The following RYR2 variants were observed in gnomAD, a reference collection of about 807,000 sequenced individuals.
RYR2 encodes ryanodine receptor 2, also known as cardiac muscle ryanodine receptor-calcium release channel.
A neutral mutation model predicts 601.1 loss-of-function variants in RYR2; 227 were observed. That is an observed-to-expected ratio of 0.38 (90% CI 0.34 to 0.42). RYR2 has a LOEUF of 0.42. RYR2 is among the 10% of genes least tolerant of loss of function. RYR2 has a pLI of 1.00. For missense variants in RYR2, 4,646 were observed against 6,156.5 expected (o/e 0.75, Z 8.21); for synonymous variants, 2,223 against 2,175.1 (o/e 1.02, Z -0.61).
chr1:237,065,106 T>C (rs1165767817), intron 1 of RYR2, among the ~76,000 whole-genome samples: 3 of 152,114 alleles, frequency 2.0e-5, no homozygotes, highest in Non-Finnish European at 4.4e-5. Context: ...TTCTCATTGG[T>C]TATATTTTAC....
At chr1:237,373,737 A>T (rs1011791553) in intron 6 of RYR2, among the ~76,000 whole-genome samples, 2 of 152,182 alleles carry the variant, frequency 1.3e-5, no homozygotes, top group Admixed American at 6.6e-5. Context: ...TGCAAGAGTG[A>T]TTACTCCTGT....
chr1:237,805,132 A>G (rs952872080), intron 98 of RYR2, among the ~76,000 whole-genome samples: 15 of 152,224 alleles, frequency 9.9e-5, no homozygotes, highest in Admixed American at 5.9e-4. Flanking sequence ...GTAGGAAGTC[A>G]ATAAATGTTT....
Position 237,783,940 on chromosome 1 carries a change from A to T in RYR2, c.12228A>T (p.Glu4076Asp). The change falls in exon 90 of 105, where the codon GAA (glutamate) becomes GAT (aspartate). Residue 4076 changes from glutamate (E) to aspartate (D), a missense_variant. Around this residue, in one of 17 missense-constraint regions of RYR2, gnomAD observed 66 missense variants for 80.7 expected, o/e 0.82. Transcript: ENST00000366574. ...CTTGTGCGGAGACGGATGAGAATGA[A>T]ACCCTCGACTACGAAGAGTTCGTCA... is the stretch of plus-strand genomic sequence containing the variant. ...LLSCAETDEN[E>D]TLDYEEFVKR... The T allele has an allele frequency of 6.2e-7, 1 of 1,613,590 alleles. No individual in the cohort carries two copies. Among genetic ancestry groups the T allele is most frequent in the Non-Finnish European group, 8.5e-7 (1 of 1,179,704 alleles).
At chr1:237,515,403 T>C (rs1170222196) in intron 24 of RYR2, among the ~76,000 whole-genome samples, 1 of 152,222 alleles carries the variant, frequency 6.6e-6, no homozygotes, top group East Asian at 1.9e-4. Flanking sequence ...TTTTTCCTCC[T>C]AGCCAAGTAT....
intron 2 of RYR2, among the ~76,000 whole-genome samples, chr1:237,322,226 G>A (rs1311950247): frequency 6.6e-6 from 1 of 152,112 alleles, no homozygotes; most frequent in East Asian, 1.9e-4. Context: ...ATGCCTGAAC[G>A]AATCTGCACT....
At chr1:237,547,316 T>C (rs1238627345) in intron 25 of RYR2, among the ~76,000 whole-genome samples, 2 of 152,170 alleles carry the variant, frequency 1.3e-5, no homozygotes, top group Non-Finnish European at 2.9e-5. Context: ...TTTTCTCACA[T>C]TTATTTTTAA....
chr1:237,065,372 C>G (rs376365258), intron 1 of RYR2, among the ~76,000 whole-genome samples: 1 of 149,062 alleles, frequency 6.7e-6, no homozygotes, highest in Non-Finnish European at 1.5e-5. Flanking sequence ...CTCCACCTCC[C>G]GGGTTCAAGC....
intron 63 of RYR2, among the ~76,000 whole-genome samples, chr1:237,692,357 C>T (rs1003422918): frequency 6.6e-6 from 1 of 152,212 alleles, no homozygotes; most frequent in Non-Finnish European, 1.5e-5. Context: ...TGACCATTCT[C>T]TCTGAATCCC....
intron 3 of RYR2, among the ~76,000 whole-genome samples, chr1:237,350,590 AAAAAAAAAAAAAATATATATATATATAT>A (rs1278911188): frequency 4.6e-4 from 44 of 96,006 alleles, no homozygotes; most frequent in African/African-American, 1.7e-3. Context: ...AAAAAAAAAA[AAAAAAAAAAAAAATATATATATATATAT>A]ATATATATAT....
intron 1 of RYR2, among the ~76,000 whole-genome samples, chr1:237,132,630 CATCTGAG>C (rs915744219): frequency 7.9e-5 from 12 of 152,256 alleles, no homozygotes; most frequent in African/African-American, 2.9e-4. Flanking sequence ...CTGAACATCA[CATCTGAG>C]ATATGTGAGG....
chr1:237,669,623 G>A (rs1354142217), intron 58 of RYR2, among the ~76,000 whole-genome samples: 1 of 151,862 alleles, frequency 6.6e-6, no homozygotes, highest in Non-Finnish European at 1.5e-5. Context: ...GGGGCGGCCG[G>A]GCAGAGACGC....
chr1:237,806,401 A>AG, intron 99 of RYR2, 118 bp downstream of exon 99: 1 of 979,558 alleles, frequency 1.0e-6, no homozygotes, highest in Admixed American at 2.6e-5. Context: ...TTTTGAAGGG[A>AG]GGGTCTGCAC....
intron 19 of RYR2, among the ~76,000 whole-genome samples, chr1:237,495,129 T>C (rs763187754): frequency 6.6e-5 from 10 of 152,158 alleles, no homozygotes; most frequent in Admixed American, 3.3e-4. Flanking sequence ...TATATACTTA[T>C]TGCATATTCA....
At chr1:237,605,070 T>C (rs1438108827) in intron 35 of RYR2, among the ~76,000 whole-genome samples, 1 of 152,158 alleles carries the variant, frequency 6.6e-6, no homozygotes, top group African/African-American at 2.4e-5. Context: ...TAACTCATTT[T>C]ATGAGGCCAG....
intron 1 of RYR2, among the ~76,000 whole-genome samples, chr1:237,085,429 A>G (rs1490943804): frequency 6.6e-6 from 1 of 152,226 alleles, no homozygotes; most frequent in East Asian, 1.9e-4. Flanking sequence ...CCCATCAGAT[A>G]AAATTCTTAA....
chr1:237,304,884 G>A (rs1364451154), intron 2 of RYR2, among the ~76,000 whole-genome samples: 1 of 152,020 alleles, frequency 6.6e-6, no homozygotes, highest in African/African-American at 2.4e-5. Context: ...ATACAAAAGT[G>A]ACAACCAAAT....
At chr1:237,065,269 C>CTT (rs766039441) in intron 1 of RYR2, among the ~76,000 whole-genome samples, 4,604 of 76,842 alleles carry the variant, frequency 0.06, 598 homozygotes, top group Non-Finnish European at 0.074. Context: ...GTGTGCTATC[C>CTT]TTTTTTTTTT....
At chr1:237,277,323 C>T (rs1476641855) in intron 2 of RYR2, among the ~76,000 whole-genome samples, 1 of 152,140 alleles carries the variant, frequency 6.6e-6, no homozygotes, top group Non-Finnish European at 1.5e-5. Flanking sequence ...AGTACACTAG[C>T]AGTTAAAGTC....
chr1:237,666,596 A>G lies in RYR2; in HGVS notation c.8514+7A>G. 2 of 1,604,354 alleles carry G rather than the reference A, an allele frequency of 1.2e-6. No homozygotes were observed. The highest frequency in any genetic ancestry group is 1.3e-5 in the African/African-American group (1 of 74,860). On this transcript the variant is annotated splice_region_variant and intron_variant, in intron 57 of 104. Transcript: ENST00000366574. The stretch of plus-strand genomic sequence containing the variant: ...ACTATCTAGAGACCTGCATGTAAGT[A>G]CTATTAACTTTTAAAAATAGTCTCC...
Sources: gnomAD v4.1 joint callset for allele counts (sites outside exome capture counted in the v4.1 genomes callset) on GRCh38, gnomAD v4.1.1 for gene constraint, gnomAD v4.1.1 regional missense constraint, MANE v1.5 for transcripts, NCBI Gene and HGNC (gene_info 2026-07-23, HGNC 2026-07-21) for gene names.